The following DLC1 variants were observed in gnomAD, a reference collection of about 807,000 sequenced individuals.
DLC1 encodes DLC1 Rho GTPase activating protein, also known as rho GTPase-activating protein 7.
Under a neutral mutation model 140.3 loss-of-function variants are expected in DLC1, and 54 were observed. That is an observed-to-expected ratio of 0.38 (90% CI 0.31 to 0.48). The LOEUF is 0.48. DLC1 is among the 20% of genes least tolerant of loss of function. The pLI is 0.96. For missense variants in DLC1, 2,536 were observed against 1,907.0 expected, an observed-to-expected ratio of 1.33 and a Z score of -6.14; for synonymous variants, 986 against 728.1, an observed-to-expected ratio of 1.35 and a Z score of -5.70.
chr8:13,413,256 A>ATTTTTTGTTTTTTTTTTTTTTTTT (rs1837875836), intron 2 of DLC1, among the ~76,000 whole-genome samples: 2 of 82,006 alleles, frequency 2.4e-5, no homozygotes, highest in Non-Finnish European at 2.3e-5. Context: ...TTTTTTTGCG[A>ATTTTTTGTTTTTTTTTTTTTTTTT]TTTTTTTTTT....
intron 5 of DLC1, among the ~76,000 whole-genome samples, chr8:13,136,206 A>G (rs997483822): frequency 6.6e-6 from 1 of 152,184 alleles, no homozygotes; most frequent in African/African-American, 2.4e-5. Context: ...TTAAACTTTT[A>G]TTTTAGATTC....
At chr8:13,127,780 G>A (rs1248264129) in intron 5 of DLC1, among the ~76,000 whole-genome samples, 2 of 152,220 alleles carry the variant, frequency 1.3e-5, no homozygotes, top group Admixed American at 6.5e-5. Flanking sequence ...CGAGGAGAAG[G>A]AAGGCGCCTT....
chr8:13,175,455 C>A (rs757927708), intron 5 of DLC1, among the ~76,000 whole-genome samples: 19 of 151,768 alleles, frequency 1.3e-4, no homozygotes, highest in South Asian at 2.1e-4. Context: ...ACCTTTTCTA[C>A]CTTAAACATT....
chr8:13,524,425 A>G (rs1187263266), intron 1 of DLC1, among the ~76,000 whole-genome samples: 1 of 152,114 alleles, frequency 6.6e-6, no homozygotes, highest in Non-Finnish European at 1.5e-5. Flanking sequence ...GGCGTGAGCT[A>G]TCTATTCTAT....
intron 2 of DLC1, among the ~76,000 whole-genome samples, chr8:13,482,712 A>G (rs1193218069): frequency 1.3e-5 from 2 of 152,224 alleles, no homozygotes; most frequent in Non-Finnish European, 2.9e-5. Flanking sequence ...ATTGGAACAG[A>G]GAGACAGTGA....
intron 1 of DLC1, among the ~76,000 whole-genome samples, chr8:13,521,988 C>G (rs550511657): frequency 6.6e-6 from 1 of 152,116 alleles, no homozygotes; most frequent in Non-Finnish European, 1.5e-5. Flanking sequence ...AGGTGAGGCC[C>G]TCAAATGGTT....
intron 5 of DLC1, among the ~76,000 whole-genome samples, chr8:13,219,575 T>A (rs1028891886): frequency 6.6e-6 from 1 of 151,556 alleles, no homozygotes; most frequent in African/African-American, 2.4e-5. Flanking sequence ...CAAATTCAAA[T>A]TTCCTTCGTG....
At chr8:13,230,890 G>C (rs1355181386) in intron 5 of DLC1, among the ~76,000 whole-genome samples, 2 of 152,008 alleles carry the variant, frequency 1.3e-5, no homozygotes, top group African/African-American at 2.4e-5. Flanking sequence ...AGCCACTGCA[G>C]CTGGCCCAGA....
Position 13,130,284 on chromosome 8 carries a change from C to T in DLC1, c.1349-14627G>A, listed in dbSNP as rs539754455. On this transcript the variant is annotated intron_variant, in intron 5 of 17. Transcript: ENST00000276297. ...GATTGGAAGGCATCTCAACTGTGGC[C>T]TCCCATATCCCCTTTAAGTCCCATA... Among the ~76,000 whole-genome samples, 5 of 152,320 alleles carry T rather than the reference C, an allele frequency of 3.3e-5. No homozygotes were observed. In the East Asian group the frequency reaches 9.6e-4, roughly 29 times the overall value.
intron 2 of DLC1, among the ~76,000 whole-genome samples, chr8:13,419,461 G>A (rs769095999): frequency 4.6e-5 from 7 of 152,114 alleles, no homozygotes; most frequent in East Asian, 3.9e-4. Flanking sequence ...TTCTGCATAT[G>A]TTGAGATAAT....
At chr8:13,164,804 G>A (rs1297656973) in intron 5 of DLC1, among the ~76,000 whole-genome samples, 1 of 152,160 alleles carries the variant, frequency 6.6e-6, no homozygotes, top group African/African-American at 2.4e-5. Flanking sequence ...TACTAAAATT[G>A]TTTGTCAGCT....
At chr8:13,213,419 T>A (rs1182168039) in intron 5 of DLC1, among the ~76,000 whole-genome samples, 1 of 152,208 alleles carries the variant, frequency 6.6e-6, no homozygotes, top group Non-Finnish European at 1.5e-5. Flanking sequence ...CCCAAGTTAA[T>A]CAGGACTCAT....
intron 1 of DLC1, among the ~76,000 whole-genome samples, chr8:13,548,001 A>G (rs2117347764): frequency 6.6e-6 from 1 of 152,202 alleles, no homozygotes; most frequent in East Asian, 1.9e-4. Flanking sequence ...ACATGCATGA[A>G]TTTAAAAATA....
chr8:13,439,174 A>C (rs1011201968), intron 2 of DLC1, among the ~76,000 whole-genome samples: 8 of 152,090 alleles, frequency 5.3e-5, no homozygotes, highest in Admixed American at 1.3e-4. Context: ...AAATACAAAA[A>C]TTAGTTGGGC....
At chr8:13,172,801 A>G (rs1825558210) in intron 5 of DLC1, among the ~76,000 whole-genome samples, 1 of 152,206 alleles carries the variant, frequency 6.6e-6, no homozygotes, top group Non-Finnish European at 1.5e-5. Context: ...AGTGGGAATC[A>G]GCTCTCAAAA....
intron 4 of DLC1, among the ~76,000 whole-genome samples, chr8:13,372,133 T>A (rs1563292625): frequency 6.7e-6 from 1 of 149,826 alleles, no homozygotes; most frequent in Non-Finnish European, 1.5e-5. Flanking sequence ...ACTTGTTATT[T>A]CTTCAAAAAA....
chr8:13,560,832 C>G (rs186252503), intron 1 of DLC1, among the ~76,000 whole-genome samples: 2 of 152,010 alleles, frequency 1.3e-5, no homozygotes, highest in African/African-American at 4.8e-5. Context: ...ATCATGAGAA[C>G]GTGAAGACAG....
At position 13,511,555 on chromosome 8, in the gene DLC1, A is replaced by C. The variant is rs528331759; in HGVS notation, c.-126+3047T>G. ...GAAGTAAACACTGTATTTCTCTATC[A>C]CACCAAAGTCAATCAAGAGTCATTC... On this transcript the variant is annotated intron_variant, in intron 1 of 17. Coordinates refer to ENST00000276297, the MANE Select transcript of DLC1 (RefSeq NM_182643.3). Among the ~76,000 whole-genome samples the C allele has an allele frequency of 7.9e-5, 12 of 152,280 alleles. No individual in the cohort carries two copies. In the South Asian group the frequency reaches 2.5e-3, roughly 32 times the overall value.
At chr8:13,140,579 T>G (rs1822906600) in intron 5 of DLC1, among the ~76,000 whole-genome samples, 1 of 152,090 alleles carries the variant, frequency 6.6e-6, no homozygotes, top group South Asian at 2.1e-4. Flanking sequence ...CTTGTTGATC[T>G]GTAAGTATTA....
Sources: allele counts gnomAD v4.1 joint callset (sites outside exome capture counted in the v4.1 genomes callset), GRCh38; gene constraint gnomAD v4.1.1; transcripts MANE v1.5; gene names NCBI Gene and HGNC (gene_info 2026-07-23, HGNC 2026-07-21).